The following FSTL5 variants were observed in gnomAD, a reference collection of about 807,000 sequenced individuals.
FSTL5 encodes follistatin-related protein 5.
Under a neutral mutation model 89.1 loss-of-function variants are expected in FSTL5, and 62 were observed. The ratio of observed to expected loss-of-function variants is 0.70; its 90% CI spans 0.57 to 0.86. FSTL5 has a LOEUF of 0.86. Among genes scored for constraint, FSTL5 ranks in the 40% least tolerant of loss-of-function variants. The pLI is 0.00. For missense variants in FSTL5, 1,057 were observed against 1,001.6 expected (o/e 1.06, Z -0.75); for synonymous variants, 383 against 346.2 (o/e 1.11, Z -1.18).
At chr4:161,756,557 G>C (rs1740577946) in intron 6 of FSTL5, among the ~76,000 whole-genome samples, 1 of 151,714 alleles carries the variant, frequency 6.6e-6, no homozygotes, top group Non-Finnish European at 1.5e-5. Context: ...ACTTTTTATT[G>C]ATTATTTAGA....
intron 3 of FSTL5, among the ~76,000 whole-genome samples, chr4:162,011,378 C>T (rs1348662740): frequency 1.3e-5 from 2 of 152,140 alleles, no homozygotes; most frequent in Non-Finnish European, 2.9e-5. Context: ...TATGGTTTAA[C>T]ATATGGGCTA....
chr4:161,983,148 G>C (rs1735872112), intron 3 of FSTL5, among the ~76,000 whole-genome samples: 1 of 152,166 alleles, frequency 6.6e-6, no homozygotes, highest in South Asian at 2.1e-4. Flanking sequence ...TGAAGAAATA[G>C]GAACTCCTAA....
chr4:161,572,766 A>C (rs754700349), intron 8 of FSTL5, among the ~76,000 whole-genome samples: 14 of 152,200 alleles, frequency 9.2e-5, no homozygotes, highest in Non-Finnish European at 1.5e-4. Flanking sequence ...AGATGTCTGC[A>C]TCACTGGGTG....
At chr4:161,428,356 G>A (rs1732236416) in intron 15 of FSTL5, among the ~76,000 whole-genome samples, 1 of 152,166 alleles carries the variant, frequency 6.6e-6, no homozygotes, top group South Asian at 2.1e-4. Flanking sequence ...AGCAGAATAG[G>A]GTGGCACGTG....
At chr4:161,445,057 T>C (rs1048213310) in intron 15 of FSTL5, among the ~76,000 whole-genome samples, 2 of 151,948 alleles carry the variant, frequency 1.3e-5, no homozygotes, top group African/African-American at 4.8e-5. Context: ...AAATCTACAA[T>C]TGAGCAATAC....
At chr4:161,604,884 G>T (rs1427732163) in intron 7 of FSTL5, among the ~76,000 whole-genome samples, 1 of 152,158 alleles carries the variant, frequency 6.6e-6, no homozygotes, top group Non-Finnish European at 1.5e-5. Context: ...ACCAGAAAGA[G>T]AAACTCCTTT....
intron 1 of FSTL5, among the ~76,000 whole-genome samples, chr4:162,156,585 C>G (rs977101893): frequency 1.3e-5 from 2 of 152,136 alleles, no homozygotes; most frequent in African/African-American, 4.8e-5. Context: ...AGATCATGTC[C>G]TGTGCAGCAA....
At chr4:161,979,122 G>A (rs1013709837) in intron 3 of FSTL5, among the ~76,000 whole-genome samples, 4 of 152,112 alleles carry the variant, frequency 2.6e-5, no homozygotes, top group Non-Finnish European at 5.9e-5. Context: ...ATCTGGTCTT[G>A]GCTATGTGGC....
intron 15 of FSTL5, chr4:161,387,114 A>G (rs1730675122): frequency 6.6e-6 from 1 of 152,134 alleles, no homozygotes; most frequent in Admixed American, 6.6e-5. Context: ...TATTTGCTAA[A>G]TATTGCTTGA....
intron 3 of FSTL5, among the ~76,000 whole-genome samples, chr4:161,968,595 T>C (rs1177117815): frequency 6.6e-6 from 1 of 152,082 alleles, no homozygotes; most frequent in Non-Finnish European, 1.5e-5. Context: ...AAAAATTTGG[T>C]AACCTGGAGG....
chr4:161,603,366 C>T (rs900983510), intron 7 of FSTL5, among the ~76,000 whole-genome samples: 5 of 152,092 alleles, frequency 3.3e-5, no homozygotes, highest in South Asian at 2.1e-4. Flanking sequence ...GAGTCCCAAT[C>T]GGATAGGATT....
chr4:161,920,814 C>A (rs1188777825), intron 3 of FSTL5, among the ~76,000 whole-genome samples, 162 bp from the exon 4 acceptor site: 1 of 152,100 alleles, frequency 6.6e-6, no homozygotes, highest in African/African-American at 2.4e-5. Context: ...AATAACTGCA[C>A]ATGAACTTTC....
intron 3 of FSTL5, among the ~76,000 whole-genome samples, chr4:161,995,407 T>C (rs1466304683): frequency 6.6e-6 from 1 of 152,184 alleles, no homozygotes; most frequent in East Asian, 1.9e-4. Context: ...CCAGACAGTC[T>C]GACGTAAGAG....
intron 8 of FSTL5, among the ~76,000 whole-genome samples, chr4:161,556,690 G>A (rs1166594904): frequency 6.6e-6 from 1 of 151,014 alleles, no homozygotes; most frequent in East Asian, 2.0e-4. Flanking sequence ...ACTAATATTA[G>A]ATAATTTTGC....
At chr4:161,904,587 C>A (rs556197662) in intron 4 of FSTL5, among the ~76,000 whole-genome samples, 1 of 151,576 alleles carries the variant, frequency 6.6e-6, no homozygotes, top group South Asian at 2.1e-4. Flanking sequence ...ACATATTCAG[C>A]AGGAAGTCAG....
chr4:161,956,566 G>A (rs1289176737), intron 3 of FSTL5, among the ~76,000 whole-genome samples: 2 of 151,746 alleles, frequency 1.3e-5, no homozygotes, highest in East Asian at 3.9e-4. Context: ...CTATTAGGTT[G>A]GTAAAGGCAA....
intron 3 of FSTL5, among the ~76,000 whole-genome samples, chr4:161,934,026 T>C (rs10014051): frequency 0.32 from 49,057 of 151,766 alleles, 9,661 homozygotes; most frequent in Non-Finnish European, 0.43. Context: ...AGCATTTTCT[T>C]CCCATCATTT....
intron 2 of FSTL5, among the ~76,000 whole-genome samples, chr4:162,064,787 A>G (rs999947029): frequency 2.0e-5 from 3 of 152,044 alleles, no homozygotes; most frequent in Admixed American, 6.6e-5. Context: ...AACTGAAATT[A>G]CGTACTCTTT....
intron 11 of FSTL5, among the ~76,000 whole-genome samples, chr4:161,507,390 A>C (rs974267975): frequency 6.6e-6 from 1 of 151,800 alleles, no homozygotes; most frequent in African/African-American, 2.4e-5. Context: ...GTAAAAATAC[A>C]TATTAGTGCA....
Sources: gnomAD v4.1 joint callset for allele counts (sites outside exome capture counted in the v4.1 genomes callset) on GRCh38, gnomAD v4.1.1 for gene constraint, MANE v1.5 for transcripts, NCBI Gene and HGNC (gene_info 2026-07-23, HGNC 2026-07-21) for gene names.